ZNF850: variants seen among roughly 807,000 people sequenced by gnomAD.
ZNF850 encodes the protein zinc finger protein 850, also known as putative zinc finger protein ENSP00000330994.
In ZNF850, 2 loss-of-function variants were observed where a neutral mutation model predicts 11.9. The ratio of observed to expected loss-of-function variants is 0.17; its 90% CI spans 0.07 to 0.53. ZNF850 has a LOEUF of 0.53. Among genes scored for constraint, ZNF850 ranks in the 20% least tolerant of loss-of-function variants. The pLI is 0.94. For synonymous variants in ZNF850, 381 were observed against 443.0 expected (o/e 0.86, Z 1.76); for missense variants, 1,014 against 1,316.4 (o/e 0.77, Z 3.55).
chr19:36,755,506 C>T (rs991946840), intron 4 of ZNF850, among the ~76,000 whole-genome samples: 1 of 152,096 alleles, frequency 6.6e-6, no homozygotes, highest in African/African-American at 2.4e-5. Context: ...CAGGCATGAG[C>T]CACCGCACCT....
chr19:36,748,043 A>G lies in ZNF850; in HGVS notation c.2997T>C (p.His999=). The change falls in exon 5 of 5, where the codon CAT becomes CAC. Residue 999 remains histidine, a synonymous_variant. Transcript: ENST00000591344. ...SFTCGSELIR[H]QRTHTGEKPY... Reference sequence around the variant, plus strand: ...GTTTCTCACCAGTGTGAGTTCGCTGATGTCGAATTAGTTCTGAGCCGCAAG... The same window carrying G: ...GTTTCTCACCAGTGTGAGTTCGCTGGTGTCGAATTAGTTCTGAGCCGCAAG... 6.3e-7 allele frequency: 1 copy of G among 1,582,672 alleles called. No homozygotes were observed.
intron 4 of ZNF850, among the ~76,000 whole-genome samples, chr19:36,760,498 T>C (rs1481466143): frequency 6.6e-6 from 1 of 151,872 alleles, no homozygotes; most frequent in Admixed American, 6.6e-5. Context: ...TGATAGCTTA[T>C]ATCTTCCATA....
Position 36,749,007 on chromosome 19 carries a change from C to A in ZNF850, c.2033G>T (p.Cys678Phe), listed in dbSNP as rs1396693122. 2 of 1,608,206 alleles carry A rather than the reference C, an allele frequency of 1.2e-6. No homozygotes were observed. The highest frequency in any genetic ancestry group is 1.7e-6 in the Non-Finnish European group (2 of 1,178,000). The change falls in exon 5 of 5, where the codon TGT becomes TTT. Residue 678 changes from cysteine to phenylalanine, a missense_variant. By Grantham distance (205) the Cys-to-Phe change is radical (BLOSUM62 -2). Transcript: ENST00000591344. ...TGEKPYECPD[C>F]GKAFRQRTYL... ...TGTACGCTGTCTAAAGGCCTTCCCACAGTCCGGACATTCATAGGGTTTCTC... is the reference window on the plus strand; with the variant it reads ...TGTACGCTGTCTAAAGGCCTTCCCAAAGTCCGGACATTCATAGGGTTTCTC...
Position 36,747,286 on chromosome 19 carries a change from T to G in ZNF850, c.*481A>C, listed in dbSNP as rs1194857393. On this transcript the variant is annotated 3_prime_UTR_variant, in exon 5 of 5. Coordinates refer to ENST00000591344, the MANE Select transcript of ZNF850 (RefSeq NM_001193552.2). ...GGTAGTAAATGGTTGTCTTTTGTCATTGACCACATTCTCTAATATGAATTT... is the reference window on the plus strand; with the variant it reads ...GGTAGTAAATGGTTGTCTTTTGTCAGTGACCACATTCTCTAATATGAATTT... 6.5e-6 allele frequency: 1 copy of G among 153,656 alleles called. No homozygotes were observed. The highest frequency in any genetic ancestry group is 1.4e-5 in the Non-Finnish European group (1 of 69,048). The allele number at this position is 153,656 out of a possible 1,614,324, so 9.5% of individuals were successfully genotyped here. A position where few individuals can be genotyped will look rare whatever the true frequency, so the allele number is the denominator to read the frequency against.
At position 36,761,688 on chromosome 19, in the gene ZNF850, C is replaced by CT; in HGVS notation, c.189dup (p.Glu64ArgfsTer20). 1.3e-6 allele frequency: 2 copies of CT among 1,562,510 alleles called. No homozygotes were observed. The highest frequency in any genetic ancestry group is 1.7e-6 in the Non-Finnish European group (2 of 1,160,338). On this transcript the variant is annotated frameshift_variant, in exon 4 of 5. Coordinates refer to ENST00000591344, the MANE Select transcript of ZNF850 (RefSeq NM_001193552.2). LOFTEE classifies it low-confidence loss of function (END_TRUNC). Reference sequence around the variant, plus strand: ...ACGTCCCTTGAAACCATCCAGGGCTCTTTCCCTTGCTCCAGTAAGGAAATC... The same window carrying CT: ...ACGTCCCTTGAAACCATCCAGGGCTCTTTTCCCTTGCTCCAGTAAGGAAATC...
intron 1 of ZNF850, among the ~76,000 whole-genome samples, chr19:36,764,517 A>C (rs1227415039): frequency 6.6e-6 from 1 of 152,196 alleles, no homozygotes; most frequent in Non-Finnish European, 1.5e-5. Context: ...GAGAGACCTC[A>C]AGACCCAATT....
intron 4 of ZNF850, among the ~76,000 whole-genome samples, chr19:36,751,065 TAAAAAAAAAA>T (rs34721047): frequency 6.7e-5 from 6 of 89,434 alleles, no homozygotes; most frequent in Admixed American, 2.9e-4. Context: ...GACCCTGTCT[TAAAAAAAAAA>T]AAAAAAAAAA....
chr19:36,770,739 G>T (rs1350140324), intron 1 of ZNF850, among the ~76,000 whole-genome samples: 1 of 60,286 alleles, frequency 1.7e-5, no homozygotes, highest in African/African-American at 5.2e-5. Context: ...AAAAAAAAAA[G>T]CCAGCACTTA....
intron 1 of ZNF850, among the ~76,000 whole-genome samples, chr19:36,772,274 TAA>T (rs2040589562): frequency 6.6e-6 from 1 of 152,206 alleles, no homozygotes; most frequent in South Asian, 2.1e-4. Flanking sequence ...CCTAACTGCC[TAA>T]AGAGTTTTTT....
At chr19:36,766,348 A>G (rs771285263) in intron 1 of ZNF850, among the ~76,000 whole-genome samples, 4 of 152,224 alleles carry the variant, frequency 2.6e-5, no homozygotes, top group African/African-American at 9.6e-5. Flanking sequence ...AAGAGAAAGC[A>G]GAAAAAAGAA....
At position 36,760,932 on chromosome 19, in the gene ZNF850, A is replaced by G. The variant is rs192979452; in HGVS notation, c.235+711T>C. ...CTGCATCAAAGGAAAACTAGACAAG[A>G]CAACACACAAAAAAAGTTAAGGATC... On this transcript the variant is annotated intron_variant, in intron 4 of 4. Coordinates refer to ENST00000591344, the MANE Select transcript of ZNF850 (RefSeq NM_001193552.2). Among the ~76,000 whole-genome samples, 54 of 152,302 alleles carry G rather than the reference A, an allele frequency of 3.5e-4. No individual in the cohort carries two copies. The East Asian group carries it at 0.01, about 29-fold the overall frequency.
intron 4 of ZNF850, among the ~76,000 whole-genome samples, chr19:36,759,667 A>C (rs1025922103): frequency 6.6e-6 from 1 of 152,088 alleles, no homozygotes; most frequent in Non-Finnish European, 1.5e-5. Context: ...TGTCCATTAC[A>C]CCATCCTTTC....
rs1243385255 is a variant in ZNF850, at chr19:36,750,095, T to A, written c.945A>T (p.Gly315=). Residue 315 remains glycine (G), a synonymous_variant, in exon 5 of 5, where the codon GGA becomes GGT. Transcript: ENST00000591344. ...GEKPYHCKQC[G]KSFTVGSTLI... The stretch of plus-strand genomic sequence containing the variant: ...GTGTTGAGCCAACAGTAAAAGATTT[T>A]CCACATTGCTTACAATGATAGGGTT... 6.5e-7 allele frequency: 1 copy of A among 1,538,302 alleles called. No individual in the cohort carries two copies. The highest frequency in any genetic ancestry group is 1.4e-5 in the African/African-American group (1 of 72,956).
At chr19:36,753,444 A>AAAAAAAAAC (rs2040466531) in intron 4 of ZNF850, among the ~76,000 whole-genome samples, 1 of 145,400 alleles carries the variant, frequency 6.9e-6, no homozygotes, top group Non-Finnish European at 1.5e-5. Flanking sequence ...AAAAAAAAAA[A>AAAAAAAAAC]AAGCCGGGTG....
chr19:36,743,521 C>T lies in ZNF850; in HGVS notation c.*4246G>A, dbSNP rs556834247. ...TACTTTTATTTACAAATAATACCAA[C>T]ATCTCTTTAGACAATTCAATCTCAT... On this transcript the variant is annotated 3_prime_UTR_variant, in exon 5 of 5. Transcript: ENST00000591344. 1 of 152,254 alleles carries T rather than the reference C, an allele frequency of 6.6e-6. No individual in the cohort carries two copies. The highest frequency in any genetic ancestry group is 1.9e-4 in the East Asian group (1 of 5,178). 9.4% of individuals were successfully genotyped at this position (152,254 alleles called of 1,614,324 possible).
At chr19:36,769,904 C>G (rs1333010070) in intron 1 of ZNF850, among the ~76,000 whole-genome samples, 1 of 152,228 alleles carries the variant, frequency 6.6e-6, no homozygotes, top group East Asian at 1.9e-4. Context: ...GCCCCCAAAA[C>G]TGGTCCCCTT....
intron 4 of ZNF850, among the ~76,000 whole-genome samples, chr19:36,758,803 G>A (rs1157092960): frequency 2.0e-5 from 3 of 152,156 alleles, no homozygotes; most frequent in Non-Finnish European, 4.4e-5. Flanking sequence ...ACCAGGCCGG[G>A]TGTAGTGGCT....
intron 1 of ZNF850, among the ~76,000 whole-genome samples, chr19:36,768,099 AAAAAT>A (rs978523527): frequency 3.3e-5 from 5 of 152,178 alleles, no homozygotes; most frequent in East Asian, 1.9e-4. Flanking sequence ...CCGTCTCTGC[AAAAAT>A]AAAATAAAAT....
rs755864544 is a variant in ZNF850 at position 36,761,600 on chromosome 19, TC to T, written c.235+42del. The T allele has an allele frequency of 3.3e-6, 4 of 1,205,994 alleles. No homozygotes were observed. The South Asian group carries it at 5.3e-5, about 16-fold the overall frequency. 74.7% of individuals were successfully genotyped at this position (1,205,994 alleles called of 1,614,324 possible). A position where few individuals can be genotyped will look rare whatever the true frequency, so the allele number is the denominator to read the frequency against. ...GTGCTGCCTCCCTGACAGGCTGGCTTCTAAACAGCAGTGTCTTCCCCATGTG... is the reference window on the plus strand; with the variant it reads ...GTGCTGCCTCCCTGACAGGCTGGCTTTAAACAGCAGTGTCTTCCCCATGTG... On this transcript the variant is annotated intron_variant, in intron 4 of 4. Transcript: ENST00000591344.
Sources: gnomAD v4.1 joint callset for allele counts (sites outside exome capture counted in the v4.1 genomes callset) on GRCh38, gnomAD v4.1.1 for gene constraint, MANE v1.5 for transcripts, NCBI Gene and HGNC (gene_info 2026-07-23, HGNC 2026-07-21) for gene names.